Variants in CHST9 observed in about 807,000 individuals in gnomAD.
The protein encoded by CHST9 is GalNAc-4-sulfotransferase 2.
Under a neutral mutation model 44.4 loss-of-function variants are expected in CHST9, and 41 were observed. The ratio of observed to expected loss-of-function variants is 0.92; its 90% CI spans 0.72 to 1.20. The LOEUF (loss-of-function observed/expected upper bound fraction) is 1.20. Ranked by LOEUF, CHST9 falls within the 50% of genes most tolerant of loss-of-function variation. The pLI is 0.00. For synonymous variants in CHST9, 171 were observed against 178.4 expected, an observed-to-expected ratio of 0.96 and a Z score of 0.33; for missense variants, 504 against 516.5, an observed-to-expected ratio of 0.98 and a Z score of 0.23.
intron 4 of CHST9, among the ~76,000 whole-genome samples, chr18:26,944,883 T>C (rs1281569387): frequency 6.6e-6 from 1 of 152,164 alleles, no homozygotes; most frequent in Non-Finnish European, 1.5e-5. Context: ...GAGATTGAAG[T>C]ACAAACCAAC....
At chr18:27,148,292 A>G (rs1442061113) in intron 1 of CHST9, among the ~76,000 whole-genome samples, 14 of 151,236 alleles carry the variant, frequency 9.3e-5, no homozygotes, top group African/African-American at 2.7e-4. Context: ...GTTTTAGGGT[A>G]CATGTGCACA....
At position 26,912,415 on chromosome 18, in the gene CHST9, A is replaced by ACC. The variant is rs1411383730; in HGVS notation, c.*3843_*3844insGG. 1.3e-4 allele frequency: 19 copies of ACC among 151,056 alleles called. No individual in the cohort carries two copies. Among genetic ancestry groups the ACC allele is most frequent in the Non-Finnish European group, 2.8e-4 (19 of 67,846 alleles). The allele number at this position is 151,056 out of a possible 1,614,324, so 9.4% of individuals were successfully genotyped here. A position where few individuals can be genotyped will look rare whatever the true frequency, so the allele number is the denominator to read the frequency against. The stretch of plus-strand genomic sequence containing the variant: ...CACACACACACACACACACACACAG[A>ACC]CACCCATATTTGTATGGAAAAAATT... On this transcript the variant is annotated 3_prime_UTR_variant, in exon 6 of 6. Coordinates refer to ENST00000618847, the MANE Select transcript of CHST9 (RefSeq NM_031422.6).
chr18:26,965,797 AACTC>A (rs1486985328), intron 4 of CHST9, among the ~76,000 whole-genome samples: 1 of 152,322 alleles, frequency 6.6e-6, no homozygotes, highest in Middle Eastern at 3.4e-3. Flanking sequence ...ATGCTGAATA[AACTC>A]ACAGAGATCA....
intron 2 of CHST9, among the ~76,000 whole-genome samples, chr18:27,060,117 T>G (rs1189517342): frequency 6.6e-6 from 1 of 152,214 alleles, no homozygotes; most frequent in Non-Finnish European, 1.5e-5. Flanking sequence ...CACATCTTGT[T>G]GAGTGTCTAT....
intron 1 of CHST9, among the ~76,000 whole-genome samples, chr18:27,177,188 T>A (rs956820020): frequency 2.6e-5 from 4 of 152,026 alleles, no homozygotes; most frequent in African/African-American, 9.7e-5. Context: ...CACTAACACC[T>A]AAGCATTTTT....
intron 2 of CHST9, among the ~76,000 whole-genome samples, chr18:27,084,871 A>G (rs752663663): frequency 2.0e-5 from 3 of 152,016 alleles, no homozygotes; most frequent in Non-Finnish European, 4.4e-5. Flanking sequence ...GTTTCAAAGA[A>G]TTTCTTGATT....
chr18:26,978,169 C>T (rs1458793189), intron 4 of CHST9, among the ~76,000 whole-genome samples: 2 of 148,924 alleles, frequency 1.3e-5, no homozygotes, highest in South Asian at 2.2e-4. Context: ...AAATTCATAA[C>T]AAATTGTTCT....
At chr18:27,148,004 C>A (rs985951863) in intron 1 of CHST9, among the ~76,000 whole-genome samples, 2 of 152,034 alleles carry the variant, frequency 1.3e-5, no homozygotes, top group Non-Finnish European at 2.9e-5. Context: ...TCCTGACCCT[C>A]TCCATCCTCC....
At position 26,915,247 on chromosome 18, in the gene CHST9, T is replaced by A; in HGVS notation, c.*1012A>T. ...CATAACCTATCTTTGAAGTGGTATA[T>A]TAGTTTTTAAAAAGTCATTCCTAAG... On this transcript the variant is annotated 3_prime_UTR_variant, in exon 6 of 6. Transcript: ENST00000618847. 2.9e-6 allele frequency: 1 copy of A among 339,162 alleles called. No individual in the cohort carries two copies. The highest frequency in any genetic ancestry group is 5.3e-6 in the Non-Finnish European group (1 of 190,198). 21.0% of individuals were successfully genotyped at this position (339,162 alleles called of 1,614,324 possible). A position where few individuals can be genotyped will look rare whatever the true frequency, so the allele number is the denominator to read the frequency against.
intron 3 of CHST9, among the ~76,000 whole-genome samples, chr18:27,042,798 C>CCTCT (rs200302790): frequency 6.6e-6 from 1 of 150,910 alleles, no homozygotes; most frequent in East Asian, 2.0e-4. Context: ...TCCCTCCCTC[C>CCTCT]CTCTCTCTCT....
intron 5 of CHST9, among the ~76,000 whole-genome samples, chr18:26,922,294 C>T (rs1330463097): frequency 6.6e-6 from 1 of 152,170 alleles, no homozygotes; most frequent in African/African-American, 2.4e-5. Context: ...CTACTTTCTC[C>T]ATGACAACCA....
chr18:27,161,129 T>G (rs1294816157), intron 1 of CHST9, among the ~76,000 whole-genome samples: 5 of 152,168 alleles, frequency 3.3e-5, no homozygotes, highest in Non-Finnish European at 5.9e-5. Context: ...GCTCTGATCT[T>G]AGTTATTTCT....
At chr18:27,101,732 TTTAAC>T (rs2058174697) in intron 2 of CHST9, among the ~76,000 whole-genome samples, 1 of 152,240 alleles carries the variant, frequency 6.6e-6, no homozygotes, top group Non-Finnish European at 1.5e-5. Context: ...CTGCAAATAC[TTTAAC>T]TTACCTTTCT....
At chr18:27,162,844 G>A (rs529093074) in intron 1 of CHST9, among the ~76,000 whole-genome samples, 27 of 152,266 alleles carry the variant, frequency 1.8e-4, no homozygotes, top group Middle Eastern at 6.8e-3. Context: ...GCTTTGTTCC[G>A]TTGCTGGTGA....
At chr18:26,940,774 C>T (rs1054264039) in intron 5 of CHST9, among the ~76,000 whole-genome samples, 2 of 152,198 alleles carry the variant, frequency 1.3e-5, no homozygotes, top group African/African-American at 4.8e-5. Context: ...AGTCCTAACT[C>T]CTAGTACCTA....
At chr18:27,178,815 G>A (rs2058888388) in intron 1 of CHST9, among the ~76,000 whole-genome samples, 2 of 152,034 alleles carry the variant, frequency 1.3e-5, no homozygotes, top group Admixed American at 6.6e-5. Context: ...TTCTAATACA[G>A]CAGTTTATTT....
intron 2 of CHST9, among the ~76,000 whole-genome samples, chr18:27,078,231 T>C (rs2057925113): frequency 6.6e-6 from 1 of 152,174 alleles, no homozygotes; most frequent in South Asian, 2.1e-4. Flanking sequence ...GAGTGTGACA[T>C]ACAGCCAGCC....
intron 5 of CHST9, 66 bp from the exon 6 acceptor site, chr18:26,917,416 A>C: frequency 1.3e-6 from 2 of 1,504,412 alleles, no homozygotes; most frequent in South Asian, 1.3e-5. Context: ...TGGATAAGGA[A>C]CTTCACATAT....
At chr18:27,160,224 C>T (rs2058734666) in intron 1 of CHST9, among the ~76,000 whole-genome samples, 1 of 152,152 alleles carries the variant, frequency 6.6e-6, no homozygotes, top group Non-Finnish European at 1.5e-5. Flanking sequence ...TTTGCCCATT[C>T]AGTATGATAT....
Sources: gnomAD v4.1 joint callset for allele counts (sites outside exome capture counted in the v4.1 genomes callset) on GRCh38, gnomAD v4.1.1 for gene constraint, MANE v1.5 for transcripts, NCBI Gene and HGNC (gene_info 2026-07-23, HGNC 2026-07-21) for gene names.